The following DLG2 variants were observed in gnomAD, a reference collection of about 807,000 sequenced individuals.
The protein encoded by DLG2 is discs large MAGUK scaffold protein 2, also known as disks large homolog 2.
In DLG2, 45 loss-of-function variants were observed where a neutral mutation model predicts 132.5. That is an observed-to-expected ratio of 0.34 (90% CI 0.27 to 0.44). The LOEUF (loss-of-function observed/expected upper bound fraction) is 0.44, where lower values mean the gene tolerates loss of function less well. Ranked by LOEUF, DLG2 falls within the 20% of genes least tolerant of loss-of-function variation. The pLI is 1.00. For synonymous variants in DLG2, 424 were observed against 419.6 expected, an observed-to-expected ratio of 1.01 and a Z score of -0.13; for missense variants, 1,045 against 1,196.9, an observed-to-expected ratio of 0.87 and a Z score of 1.87.
chr11:84,928,263 T>TA (rs1231977198), intron 6 of DLG2, among the ~76,000 whole-genome samples: 1 of 151,802 alleles, frequency 6.6e-6, no homozygotes, highest in Non-Finnish European at 1.5e-5. Flanking sequence ...GGCCTTTGAG[T>TA]AAAAAAATAA....
intron 6 of DLG2, among the ~76,000 whole-genome samples, chr11:84,732,582 C>A (rs1325756630): frequency 1.3e-5 from 2 of 151,532 alleles, no homozygotes; most frequent in East Asian, 1.9e-4. Context: ...CAATTCAAAT[C>A]TTTTACCTAC....
chr11:85,603,726 G>A (rs780914429), intron 2 of DLG2, among the ~76,000 whole-genome samples: 62 of 152,000 alleles, frequency 4.1e-4, no homozygotes, highest in Non-Finnish European at 8.1e-4. Flanking sequence ...GACCAGCCTG[G>A]GCAACAGAGC....
chr11:85,369,118 G>A (rs2084775942), intron 3 of DLG2, among the ~76,000 whole-genome samples: 1 of 152,108 alleles, frequency 6.6e-6, no homozygotes, highest in Admixed American at 6.6e-5. Context: ...CTGAGGGTGG[G>A]GGAAACAAGC....
chr11:83,828,253 C>G (rs1462111093), intron 17 of DLG2, among the ~76,000 whole-genome samples: 1 of 152,076 alleles, frequency 6.6e-6, no homozygotes, highest in Non-Finnish European at 1.5e-5. Flanking sequence ...ATTAGCTGGG[C>G]AGAGTGGCAG....
intron 7 of DLG2, among the ~76,000 whole-genome samples, 195 bp from the exon 8 acceptor site, chr11:84,251,486 T>C (rs890761487): frequency 6.6e-6 from 1 of 152,116 alleles, no homozygotes; most frequent in African/African-American, 2.4e-5. Flanking sequence ...ATTTGTTACA[T>C]TTACCACATA....
chr11:83,905,850 T>C (rs1261038589), intron 15 of DLG2, among the ~76,000 whole-genome samples: 1 of 152,126 alleles, frequency 6.6e-6, no homozygotes, highest in Non-Finnish European at 1.5e-5. Context: ...TGCAGCTGTG[T>C]GATAGGGTGG....
chr11:83,895,710 T>C (rs1479862096), intron 15 of DLG2, among the ~76,000 whole-genome samples: 5 of 152,220 alleles, frequency 3.3e-5, no homozygotes, highest in Non-Finnish European at 1.5e-5. Flanking sequence ...ACTTATCTCA[T>C]GCACACTCAG....
intron 6 of DLG2, among the ~76,000 whole-genome samples, chr11:85,073,290 G>A (rs1039522885): frequency 6.6e-5 from 10 of 151,772 alleles, no homozygotes; most frequent in Non-Finnish European, 1.3e-4. Context: ...CTCTGTGATG[G>A]TGAAAACAAA....
chr11:83,801,966 A>G (rs1438596587), intron 17 of DLG2, among the ~76,000 whole-genome samples: 1 of 152,184 alleles, frequency 6.6e-6, no homozygotes, highest in Non-Finnish European at 1.5e-5. Flanking sequence ...TAAGCCAGGT[A>G]CTAATTAGAG....
intron 7 of DLG2, among the ~76,000 whole-genome samples, chr11:84,502,339 T>C (rs556175930): frequency 1.5e-4 from 5 of 34,440 alleles, no homozygotes; most frequent in Non-Finnish European, 2.6e-4. Flanking sequence ...TCTTTCTTTC[T>C]TTCTTTCTTT....
At chr11:84,787,396 G>A (rs2073092526) in intron 6 of DLG2, among the ~76,000 whole-genome samples, 1 of 152,114 alleles carries the variant, frequency 6.6e-6, no homozygotes, top group Non-Finnish European at 1.5e-5. Context: ...TGCAAATGCT[G>A]TTCCCTATGC....
Position 84,470,444 on chromosome 11 carries a change from G to A in DLG2, c.519+64126C>T, listed in dbSNP as rs114749651. Among the ~76,000 whole-genome samples, 372 of 151,726 alleles carry A rather than the reference G, an allele frequency of 2.5e-3. 4 individuals carry two copies. Among genetic ancestry groups the A allele is most frequent in the African/African-American group, 8.7e-3 (360 of 41,478 alleles). On this transcript the variant is annotated intron_variant, in intron 7 of 27. Coordinates refer to ENST00000376104, the MANE Select transcript of DLG2 (RefSeq NM_001142699.3). ...CATTGTTCCTGTTGTCTAGGGGTTC[G>A]TAGTATAATGGGGAAGAATGGCATG... is the stretch of plus-strand genomic sequence containing the variant.
At chr11:85,146,903 C>T (rs1425749109) in intron 5 of DLG2, among the ~76,000 whole-genome samples, 3 of 152,220 alleles carry the variant, frequency 2.0e-5, no homozygotes, top group Non-Finnish European at 4.4e-5. Flanking sequence ...GTTCCTACCA[C>T]TGGGGTGGAG....
intron 18 of DLG2, among the ~76,000 whole-genome samples, chr11:83,718,237 T>A (rs1048765698): frequency 4.6e-5 from 7 of 151,940 alleles, no homozygotes; most frequent in African/African-American, 1.7e-4. Flanking sequence ...GCTTCTAAGG[T>A]CATTAAGAGT....
intron 11 of DLG2, among the ~76,000 whole-genome samples, chr11:84,000,239 T>C (rs2154041285): frequency 6.6e-6 from 1 of 152,072 alleles, no homozygotes; most frequent in South Asian, 2.1e-4. Flanking sequence ...GAAAATACAT[T>C]TGAAAGCTTC....
intron 9 of DLG2, among the ~76,000 whole-genome samples, chr11:84,161,668 T>C (rs1438287964): frequency 6.6e-6 from 1 of 152,156 alleles, no homozygotes; most frequent in East Asian, 1.9e-4. Flanking sequence ...TAGTGTTCTA[T>C]TCAAGATGGT....
intron 6 of DLG2, among the ~76,000 whole-genome samples, chr11:84,609,259 A>C (rs2099591135): frequency 6.6e-6 from 1 of 152,122 alleles, no homozygotes; most frequent in South Asian, 2.1e-4. Flanking sequence ...TTTCTTATCT[A>C]TATATTGGGT....
At chr11:84,489,737 T>C (rs945810707) in intron 7 of DLG2, among the ~76,000 whole-genome samples, 2 of 152,120 alleles carry the variant, frequency 1.3e-5, no homozygotes, top group Non-Finnish European at 2.9e-5. Context: ...AAATGCAACA[T>C]GACCTTTAAT....
At chr11:84,868,010 C>T (rs1301979131) in intron 6 of DLG2, among the ~76,000 whole-genome samples, 1 of 151,628 alleles carries the variant, frequency 6.6e-6, no homozygotes, top group South Asian at 2.1e-4. Flanking sequence ...GGCGGCGGAG[C>T]TTGCAGTGAG....
Sources: gnomAD v4.1 joint callset for allele counts (sites outside exome capture counted in the v4.1 genomes callset) on GRCh38, gnomAD v4.1.1 for gene constraint, MANE v1.5 for transcripts, NCBI Gene and HGNC (gene_info 2026-07-23, HGNC 2026-07-21) for gene names.